DNAH7: variants seen among roughly 807,000 people sequenced by gnomAD.
The protein encoded by DNAH7 is dynein axonemal heavy chain 7.
DNAH7 carries 397 observed loss-of-function variants against 444.6 expected under a neutral mutation model. That is an observed-to-expected ratio of 0.89 (90% CI 0.82 to 0.97). The LOEUF (loss-of-function observed/expected upper bound fraction) is 0.97, where lower values mean the gene tolerates loss of function less well. Among genes scored for constraint, DNAH7 ranks in the 50% least tolerant of loss-of-function variants. The pLI, the probability that DNAH7 is intolerant of heterozygous loss-of-function variation, is 0.00. For synonymous variants in DNAH7, 1,636 were observed against 1,624.4 expected, an observed-to-expected ratio of 1.01 and a Z score of -0.17; for missense variants, 4,902 against 4,800.8, an observed-to-expected ratio of 1.02 and a Z score of -0.62.
intron 15 of DNAH7, among the ~76,000 whole-genome samples, chr2:195,976,066 G>A (rs1343333620): frequency 6.6e-6 from 1 of 152,192 alleles, no homozygotes; most frequent in Non-Finnish European, 1.5e-5. Context: ...CTGTCTTGCA[G>A]TTTAGATACC....
rs189842387 is a variant in DNAH7, at chr2:195,855,693, A to G, written c.8595+118T>C. 3,596 of 1,095,616 alleles carry G rather than the reference A, an allele frequency of 3.3e-3. 18 individuals carry two copies. The highest frequency in any genetic ancestry group is 8.8e-3 in the Middle Eastern group (29 of 3,312). The allele number at this position is 1,095,616 out of a possible 1,614,324, so 67.9% of individuals were successfully genotyped here. A position where few individuals can be genotyped will look rare whatever the true frequency, so the allele number is the denominator to read the frequency against. The stretch of plus-strand genomic sequence containing the variant: ...TGGGCAGATGTGGCCTGCGGGTCAT[A>G]GTTTGCCAATCCCTGACCAGGAAGG... On this transcript the variant is annotated intron_variant, in intron 45 of 64. Transcript: ENST00000312428.
intron 1 of DNAH7, chr2:196,068,406 ACCG>A (rs1422606420): frequency 8.8e-6 from 4 of 453,138 alleles, no homozygotes; most frequent in Non-Finnish European, 1.6e-5. Flanking sequence ...ACCCAAGCAC[ACCG>A]CCATTAGCAC....
rs1371776136 is a variant in DNAH7, at chr2:195,873,709, G to C, written c.6287-15C>G. Reference sequence around the variant, plus strand: ...TCGACCACCACCTAAATATTAAAAAGTATAACTCTTAATAATGTTACTAGT... The same window carrying C: ...TCGACCACCACCTAAATATTAAAAACTATAACTCTTAATAATGTTACTAGT... On this transcript the variant is annotated splice_polypyrimidine_tract_variant and intron_variant, in intron 38 of 64. Transcript: ENST00000312428. The C allele has an allele frequency of 2.0e-6, 3 of 1,509,936 alleles. No homozygotes were observed. The South Asian group carries it at 4.1e-5, about 21-fold the overall frequency. 93.5% of individuals were successfully genotyped at this position (1,509,936 alleles called of 1,614,324 possible).
intron 17 of DNAH7, 138 bp from the exon 18 acceptor site, chr2:195,961,083 AAAAC>A: frequency 1.7e-6 from 1 of 606,060 alleles, no homozygotes; most frequent in Non-Finnish European, 2.5e-6. Context: ...ATAATCTAGA[AAAAC>A]AGAGCAGTAA....
intron 30 of DNAH7, chr2:195,892,547 A>G (rs529889242): frequency 5.9e-5 from 9 of 152,076 alleles, no homozygotes; most frequent in Non-Finnish European, 1.0e-4. Flanking sequence ...GAAAGTACGA[A>G]GATTCCAGAT....
chr2:195,880,924 A>G (rs978906176), intron 36 of DNAH7, among the ~76,000 whole-genome samples: 3 of 152,044 alleles, frequency 2.0e-5, no homozygotes, highest in African/African-American at 7.2e-5. Context: ...GCCTTCAATC[A>G]TGTTATGTCT....
intron 1 of DNAH7, among the ~76,000 whole-genome samples, chr2:196,058,777 T>G (rs1252930025): frequency 1.3e-5 from 2 of 152,266 alleles, no homozygotes; most frequent in Non-Finnish European, 2.9e-5. Flanking sequence ...ATTCTACAGA[T>G]GGAACATAAT....
intron 36 of DNAH7, among the ~76,000 whole-genome samples, chr2:195,881,160 G>A (rs545640596): frequency 2.6e-5 from 4 of 152,192 alleles, no homozygotes; most frequent in Non-Finnish European, 4.4e-5. Context: ...ATACTAGGAT[G>A]GCTATGTAAC....
intron 1 of DNAH7, among the ~76,000 whole-genome samples, chr2:196,061,744 G>C (rs1038803483): frequency 6.6e-6 from 1 of 152,150 alleles, no homozygotes. Context: ...GGGGGATCAA[G>C]AAAGAACGGG....
At chr2:195,927,179 C>T (rs1056438329) in intron 21 of DNAH7, among the ~76,000 whole-genome samples, 3 of 152,154 alleles carry the variant, frequency 2.0e-5, no homozygotes, top group Admixed American at 6.6e-5. Flanking sequence ...TCAATACCTA[C>T]GTTCGGTGGA....
chr2:195,946,553 A>C (rs1377136587), intron 19 of DNAH7, among the ~76,000 whole-genome samples: 1 of 152,150 alleles, frequency 6.6e-6, no homozygotes, highest in African/African-American at 2.4e-5. Flanking sequence ...CCAACAGAAA[A>C]GGCACAGGGC....
chr2:195,755,923 T>G (rs927219650), intron 62 of DNAH7, among the ~76,000 whole-genome samples: 30 of 152,200 alleles, frequency 2.0e-4, no homozygotes, highest in Non-Finnish European at 7.4e-5. Context: ...AAAACCAACA[T>G]AGCTAGATGT....
At chr2:195,979,042 T>C (rs772385946) in intron 15 of DNAH7, among the ~76,000 whole-genome samples, 2 of 152,090 alleles carry the variant, frequency 1.3e-5, no homozygotes, top group Non-Finnish European at 2.9e-5. Context: ...TTGTATGTCA[T>C]ATGTCATACA....
chr2:196,034,598 T>C (rs1696267066), intron 5 of DNAH7, among the ~76,000 whole-genome samples: 2 of 152,144 alleles, frequency 1.3e-5, no homozygotes, highest in Non-Finnish European at 2.9e-5. Context: ...AAAGAATAAA[T>C]TTTGAGGGCT....
At chr2:195,764,587 C>G (rs907842108) in intron 61 of DNAH7, among the ~76,000 whole-genome samples, 8 of 152,072 alleles carry the variant, frequency 5.3e-5, no homozygotes, top group African/African-American at 1.9e-4. Flanking sequence ...CTCTATATGC[C>G]AAGAGTGAAC....
chr2:195,921,704 T>C (rs1688037627), intron 24 of DNAH7, among the ~76,000 whole-genome samples: 1 of 152,130 alleles, frequency 6.6e-6, no homozygotes, highest in Admixed American at 6.5e-5. Context: ...AACTTATCCA[T>C]GTAACCAAAC....
intron 58 of DNAH7, among the ~76,000 whole-genome samples, chr2:195,782,901 C>A (rs187490095): frequency 1.3e-5 from 2 of 152,190 alleles, no homozygotes; most frequent in African/African-American, 4.8e-5. Flanking sequence ...CAAGGCCCCC[C>A]CTTTAAATCT....
At chr2:195,859,802 C>T (rs1208306129) in intron 42 of DNAH7, among the ~76,000 whole-genome samples, 1 of 152,082 alleles carries the variant, frequency 6.6e-6, no homozygotes, top group Non-Finnish European at 1.5e-5. Context: ...TCAGCTGAAA[C>T]CTTGTGCAAC....
intron 47 of DNAH7, chr2:195,834,563 G>T: frequency 2.3e-6 from 1 of 437,370 alleles, no homozygotes; most frequent in Non-Finnish European, 4.0e-6. Context: ...AAACCATCCT[G>T]CAAAGTTCGC....
Sources: gnomAD v4.1 joint callset for allele counts (sites outside exome capture counted in the v4.1 genomes callset) on GRCh38, gnomAD v4.1.1 for gene constraint, MANE v1.5 for transcripts, NCBI Gene and HGNC (gene_info 2026-07-23, HGNC 2026-07-21) for gene names.